SEMA3A: variants seen among roughly 807,000 people sequenced by gnomAD.
SEMA3A encodes semaphorin 3A.
A neutral mutation model predicts 97.9 loss-of-function variants in SEMA3A; 29 were observed. The ratio of observed to expected loss-of-function variants is 0.30; its 90% CI spans 0.22 to 0.40. SEMA3A has a LOEUF of 0.40. Among genes scored for constraint, SEMA3A ranks in the 10% least tolerant of loss-of-function variants. The pLI, the probability that SEMA3A is intolerant of heterozygous loss-of-function variation, is 1.00. For missense variants in SEMA3A, 763 were observed against 951.3 expected, an observed-to-expected ratio of 0.80 and a Z score of 2.60; for synonymous variants, 321 against 323.7, an observed-to-expected ratio of 0.99 and a Z score of 0.09.
chr7:84,215,599 C>T (rs1380460810), intron 3 of SEMA3A, among the ~76,000 whole-genome samples: 1 of 150,908 alleles, frequency 6.6e-6, no homozygotes, highest in Non-Finnish European at 1.5e-5. Context: ...GCCCTTATTG[C>T]CATCTGCCAT....
In SEMA3A at chr7:84,276,349, C is replaced by T. The variant is rs368522921; in HGVS notation, c.-83+30858G>A. On this transcript the variant is annotated intron_variant, in intron 3 of 3. Coordinates refer to the SEMA3A transcript ENST00000424555. ...TCTTTTTCTTGAAGTCACTCACTGG[C>T]TCCTTAATCTGTACTTCTATAGTGT... Among the ~76,000 whole-genome samples the T allele has an allele frequency of 1.4e-3, 218 of 152,140 alleles. 5 individuals carry two copies. The South Asian group carries it at 0.043, about 30-fold the overall frequency.
At chr7:84,404,899 A>T (rs1448343832) in intron 1 of SEMA3A, among the ~76,000 whole-genome samples, 11 of 152,184 alleles carry the variant, frequency 7.2e-5, no homozygotes. Context: ...AGGAAGCACT[A>T]AACATGGAAA....
intron 1 of SEMA3A, among the ~76,000 whole-genome samples, chr7:84,469,210 T>C (rs971842473): frequency 1.3e-5 from 2 of 152,200 alleles, no homozygotes; most frequent in Non-Finnish European, 2.9e-5. Flanking sequence ...TGATGTAATA[T>C]TACTTCCTGT....
At chr7:84,243,432 G>T (rs113453024) in intron 3 of SEMA3A, among the ~76,000 whole-genome samples, 1 of 152,132 alleles carries the variant, frequency 6.6e-6, no homozygotes, top group Non-Finnish European at 1.5e-5. Flanking sequence ...GTTTATTTGC[G>T]TAGAGGTGTT....
intron 13 of SEMA3A, among the ~76,000 whole-genome samples, chr7:83,983,237 C>G (rs995030282): frequency 1.4e-5 from 2 of 147,998 alleles, no homozygotes; most frequent in African/African-American, 4.9e-5. Flanking sequence ...TTCTTTCTTT[C>G]TTTTCTTTCT....
chr7:84,428,321 T>C (rs1804880358), intron 1 of SEMA3A, among the ~76,000 whole-genome samples: 1 of 152,078 alleles, frequency 6.6e-6, no homozygotes, highest in South Asian at 2.1e-4. Flanking sequence ...AAAATAAAAG[T>C]ATGACGTAAA....
chr7:84,019,755 C>G (rs1012219148), intron 6 of SEMA3A, among the ~76,000 whole-genome samples: 1 of 152,020 alleles, frequency 6.6e-6, no homozygotes, highest in African/African-American at 2.4e-5. Flanking sequence ...GTATACTTAT[C>G]CTGCGTTGTC....
At chr7:84,132,297 C>A (rs1419210392) in intron 2 of SEMA3A, among the ~76,000 whole-genome samples, 1 of 152,024 alleles carries the variant, frequency 6.6e-6, no homozygotes. Flanking sequence ...AAATCATTTA[C>A]CTTGTAATTC....
chr7:84,293,490 TGAGAA>T (rs576952532), intron 3 of SEMA3A, among the ~76,000 whole-genome samples: 348 of 152,096 alleles, frequency 2.3e-3, no homozygotes, highest in Non-Finnish European at 4.0e-3. Context: ...CTAATAGACA[TGAGAA>T]AAGTATCAAA....
At chr7:84,251,440 A>G (rs551462357) in intron 3 of SEMA3A, among the ~76,000 whole-genome samples, 1 of 152,300 alleles carries the variant, frequency 6.6e-6, no homozygotes, top group South Asian at 2.1e-4. Flanking sequence ...CATGGTCAGA[A>G]GAACTAACTC....
chr7:84,377,121 A>T (rs1803124228), intron 1 of SEMA3A, among the ~76,000 whole-genome samples: 2 of 151,952 alleles, frequency 1.3e-5, no homozygotes, highest in Admixed American at 6.6e-5. Context: ...CATTTCCCCT[A>T]TGTTTTCTTC....
intron 15 of SEMA3A, among the ~76,000 whole-genome samples, chr7:83,968,543 T>C (rs1190541395): frequency 6.6e-6 from 1 of 152,154 alleles, no homozygotes; most frequent in East Asian, 1.9e-4. Context: ...TCCATCTACA[T>C]TGACTGAAAA....
At position 84,014,251 on chromosome 7, in the gene SEMA3A, G is replaced by A; in HGVS notation, c.768C>T (p.His256=). The part of the protein sequence containing the change: ...FFRENAIDGE[H]SGKATHARIG... ...TTCTAGCGTGAGTAGCTTTTCCAGA[G>A]TGTTCTCCATCTATTGCATTTTCAC... The change falls in exon 7 of 17, where the codon CAC becomes CAT. Residue 256 remains histidine (H), a synonymous_variant. Transcript: ENST00000265362. 6.2e-7 allele frequency: 1 copy of A among 1,613,422 alleles called. No homozygotes were observed. Among genetic ancestry groups the A allele is most frequent in the Non-Finnish European group, 8.5e-7 (1 of 1,179,722 alleles).
intron 9 of SEMA3A, among the ~76,000 whole-genome samples, chr7:84,008,879 G>A (rs1412831230): frequency 1.3e-5 from 2 of 151,940 alleles, no homozygotes; most frequent in African/African-American, 4.8e-5. Flanking sequence ...GCAAATTAGT[G>A]CATACTTGAT....
intron 3 of SEMA3A, among the ~76,000 whole-genome samples, chr7:84,208,043 T>G (rs1798533049): frequency 6.6e-6 from 1 of 152,226 alleles, no homozygotes; most frequent in East Asian, 1.9e-4. Flanking sequence ...TAAATGTATA[T>G]GTGTATATAC....
intron 1 of SEMA3A, among the ~76,000 whole-genome samples, chr7:84,379,677 T>A (rs1803204234): frequency 6.6e-6 from 1 of 151,610 alleles, no homozygotes; most frequent in South Asian, 2.1e-4. Context: ...ATGACAAGAC[T>A]GAAGCTGGGG....
intron 2 of SEMA3A, among the ~76,000 whole-genome samples, chr7:84,361,271 G>C (rs901450437): frequency 6.6e-6 from 1 of 152,018 alleles, no homozygotes. Flanking sequence ...ATGTTTCTAA[G>C]AAGTACAGCT....
At chr7:84,235,795 C>T (rs774463130) in intron 3 of SEMA3A, among the ~76,000 whole-genome samples, 1 of 149,674 alleles carries the variant, frequency 6.7e-6, no homozygotes, top group Non-Finnish European at 1.5e-5. Flanking sequence ...AGTATACTGT[C>T]TTCATGAAAA....
intron 4 of SEMA3A, among the ~76,000 whole-genome samples, chr7:84,068,518 C>A (rs1275039137): frequency 6.6e-6 from 1 of 150,478 alleles, no homozygotes; most frequent in East Asian, 1.9e-4. Context: ...ACAATTCATA[C>A]AAAATATTAA....
Sources: gnomAD v4.1 joint callset for allele counts (sites outside exome capture counted in the v4.1 genomes callset) on GRCh38, gnomAD v4.1.1 for gene constraint, MANE v1.5 for transcripts, NCBI Gene and HGNC (gene_info 2026-07-23, HGNC 2026-07-21) for gene names.